Variants in TRMT11 observed in about 807,000 individuals in gnomAD.
TRMT11 encodes the protein tRNA methyltransferase 11.
TRMT11 carries 53 observed loss-of-function variants against 62.8 expected under a neutral mutation model. The ratio of observed to expected loss-of-function variants is 0.84; its 90% CI spans 0.68 to 1.06. TRMT11 has a LOEUF of 1.06. TRMT11 is among the 50% of genes least tolerant of loss of function. The pLI, the probability that TRMT11 is intolerant of heterozygous loss-of-function variation, is 0.00. For synonymous variants in TRMT11, 188 were observed against 190.3 expected (o/e 0.99, Z 0.10); for missense variants, 556 against 553.4 (o/e 1.00, Z -0.05).
chr6:126,158,381 A>G (rs1778146185), intron 21 of TRMT11, among the ~76,000 whole-genome samples: 1 of 152,166 alleles, frequency 6.6e-6, no homozygotes, highest in South Asian at 2.1e-4. Context: ...ATTTTCTGCA[A>G]ATTAGCAGCT....
intron 21 of TRMT11, among the ~76,000 whole-genome samples, chr6:126,125,010 C>A (rs1334057437): frequency 6.6e-6 from 1 of 152,026 alleles, no homozygotes; most frequent in Non-Finnish European, 1.5e-5. Flanking sequence ...CATCAAACTG[C>A]ACCTTATATT....
chr6:125,997,936 T>C (rs771499190), intron 3 of TRMT11, 117 bp from the exon 4 acceptor site: 186 of 715,162 alleles, frequency 2.6e-4, no homozygotes, highest in Non-Finnish European at 4.2e-4. Flanking sequence ...ATTTATACTT[T>C]GCAAAACATA....
chr6:126,221,033 T>C, the TRMT11 span, among the ~76,000 whole-genome samples: 190 of 152,332 alleles, frequency 1.2e-3, no homozygotes, highest in African/African-American at 4.2e-3. Flanking sequence ...TGTTCATGCA[T>C]TAATTTGCTT....
chr6:126,177,138 G>C (rs1051938133), upstream of TRMT11: 5 of 152,078 alleles, frequency 3.3e-5, no homozygotes, highest in African/African-American at 1.2e-4. Flanking sequence ...ATTGAAATGG[G>C]AAATCAAATC....
chr6:126,159,555 A>G (rs1475346056), intron 21 of TRMT11, among the ~76,000 whole-genome samples: 1 of 152,244 alleles, frequency 6.6e-6, no homozygotes, highest in Non-Finnish European at 1.5e-5. Context: ...AGGAACAGCC[A>G]TCTTCCACTA....
intron 17 of TRMT11, among the ~76,000 whole-genome samples, chr6:126,098,598 A>G (rs573499049): frequency 1.2e-4 from 18 of 152,206 alleles, no homozygotes; most frequent in Middle Eastern, 6.8e-3. Context: ...CACCTCCAAC[A>G]TTGTTGCAAT....
chr6:126,105,821 G>A (rs1388300600), intron 17 of TRMT11, among the ~76,000 whole-genome samples: 9 of 152,136 alleles, frequency 5.9e-5, no homozygotes, highest in Non-Finnish European at 1.3e-4. Flanking sequence ...TGTCTGTGAG[G>A]TTTGCACTGG....
chr6:126,110,873 CT>C (rs1210043359), intron 17 of TRMT11, among the ~76,000 whole-genome samples: 1 of 152,096 alleles, frequency 6.6e-6, no homozygotes, highest in Non-Finnish European at 1.5e-5. Context: ...TAGATGTCAA[CT>C]CTACTTAGTG....
the TRMT11 span, among the ~76,000 whole-genome samples, chr6:126,233,898 G>C: frequency 1.3e-5 from 2 of 152,182 alleles, no homozygotes; most frequent in South Asian, 2.1e-4. Context: ...CCAAACCATA[G>C]AGATGTTAAT....
chr6:126,025,550 T>C (rs1772896923), intron 12 of TRMT11, among the ~76,000 whole-genome samples: 1 of 152,232 alleles, frequency 6.6e-6, no homozygotes, highest in South Asian at 2.1e-4. Context: ...CCAAAAATAC[T>C]TTGTCATGTT....
intron 18 of TRMT11, among the ~76,000 whole-genome samples, chr6:126,113,967 C>T (rs1426546953): frequency 6.6e-6 from 1 of 151,990 alleles, no homozygotes; most frequent in Non-Finnish European, 1.5e-5. Flanking sequence ...TAAGGGACTT[C>T]CCCAGTTCTT....
At chr6:126,179,092 T>A (rs181270882) in intron 1 of TRMT11, among the ~76,000 whole-genome samples, 47 of 152,292 alleles carry the variant, frequency 3.1e-4, no homozygotes, top group Admixed American at 2.2e-3. Context: ...CCCACCCACC[T>A]GCCTCCACTG....
At chr6:126,027,523 C>G (rs1465105) in intron 12 of TRMT11, among the ~76,000 whole-genome samples, 87,981 of 152,026 alleles carry the variant, frequency 0.58, 27,107 homozygotes, top group East Asian at 0.95. Flanking sequence ...TTATTTACTT[C>G]ACATGCTACC....
intron 21 of TRMT11, among the ~76,000 whole-genome samples, chr6:126,167,606 G>A (rs1465828550): frequency 6.6e-6 from 1 of 152,164 alleles, no homozygotes; most frequent in African/African-American, 2.4e-5. Context: ...ATTTGCTATT[G>A]TGTGTTCAGC....
At chr6:126,202,642 A>G (rs566144919), downstream of TRMT11, among the ~76,000 whole-genome samples, 2 of 152,280 alleles carry the variant, frequency 1.3e-5, no homozygotes, top group Admixed American at 6.5e-5. Flanking sequence ...CTTTAATTCA[A>G]TGTTAACAGC....
At chr6:126,065,594 G>T (rs1178256243) in intron 17 of TRMT11, among the ~76,000 whole-genome samples, 1 of 152,168 alleles carries the variant, frequency 6.6e-6, no homozygotes, top group Non-Finnish European at 1.5e-5. Context: ...CAGTTTCTCT[G>T]TGCCTCAGTT....
Position 126,093,629 on chromosome 6 carries a change from A to ATTTTTTTTTT in TRMT11, c.*1438-19236_*1438-19235insTTTTTTTTTT, listed in dbSNP as rs1199202335. Among the ~76,000 whole-genome samples, 53 of 94,024 alleles carry ATTTTTTTTTT rather than the reference A, an allele frequency of 5.6e-4. 2 individuals carry two copies. The highest frequency in any genetic ancestry group is 2.2e-3 in the African/African-American group (49 of 21,814). 61.7% of individuals were successfully genotyped at this position (94,024 alleles called of 152,430 possible). ...TATATATATATATATATATATATAT[A>ATTTTTTTTTT]TATTTTCCCCCAGTCCTGGAGGATC... is the stretch of plus-strand genomic sequence containing the variant. On this transcript the variant is annotated intron_variant and NMD_transcript_variant, in intron 17 of 22. Transcript: ENST00000648977.
the TRMT11 span, among the ~76,000 whole-genome samples, chr6:126,259,861 T>G: frequency 2.0e-5 from 3 of 152,188 alleles, no homozygotes; most frequent in Admixed American, 2.0e-4. Context: ...TGAAATTCTA[T>G]TTTATCATAT....
At chr6:126,196,376 A>G (rs1032599040) in intron 1 of TRMT11, among the ~76,000 whole-genome samples, 18 of 152,200 alleles carry the variant, frequency 1.2e-4, no homozygotes, top group Admixed American at 3.9e-4. Flanking sequence ...ACTAAGGTTT[A>G]TCACCTAAGT....
Sources: allele counts gnomAD v4.1 joint callset (sites outside exome capture counted in the v4.1 genomes callset), GRCh38; gene constraint gnomAD v4.1.1; transcripts MANE v1.5; gene names NCBI Gene and HGNC (gene_info 2026-07-23, HGNC 2026-07-21).